The following P2RY1 variants were observed in gnomAD, a reference collection of about 807,000 sequenced individuals.
P2RY1 encodes purinergic receptor P2Y1.
Under a neutral mutation model 22.8 loss-of-function variants are expected in P2RY1, and 14 were observed. That is an observed-to-expected ratio of 0.61 (90% CI 0.41 to 0.96). The LOEUF (loss-of-function observed/expected upper bound fraction) is 0.96. Among genes scored for constraint, P2RY1 ranks in the 40% least tolerant of loss-of-function variants. P2RY1 has a pLI of 0.00. For missense variants in P2RY1, 395 were observed against 470.3 expected (o/e 0.84, Z 1.48); for synonymous variants, 200 against 195.1 (o/e 1.03, Z -0.21).
Position 152,837,085 on chromosome 3 carries a change from T to C in P2RY1, c.*181T>C, listed in dbSNP as rs1366452874. The C allele has an allele frequency of 2.5e-5, 15 of 597,676 alleles. No individual in the cohort carries two copies. Among genetic ancestry groups the C allele is most frequent in the Non-Finnish European group, 3.9e-5 (13 of 331,964 alleles). The allele number at this position is 597,676 out of a possible 1,614,324, so 37.0% of individuals were successfully genotyped here. On this transcript the variant is annotated 3_prime_UTR_variant, in exon 1 of 1. Transcript: ENST00000305097. ...CACACTTAGCTTGTTTGGGTTTGCT[T>C]TCACAGTCTCTCTTCCTTCTGACTA... is the stretch of plus-strand genomic sequence containing the variant.
chr3:152,836,656 A>T lies in P2RY1; in HGVS notation c.874A>T (p.Thr292Ser). ...MNLRARLDFQTPAMCAFNDRV... is the reference protein window; with the variant it reads ...MNLRARLDFQSPAMCAFNDRV... The stretch of plus-strand genomic sequence containing the variant: ...CTTGAGGGCCCGGCTTGATTTTCAG[A>T]CCCCAGCAATGTGTGCTTTCAATGA... The change falls in exon 1 of 1, where the codon ACC becomes TCC. Residue 292 changes from threonine to serine, a missense_variant. Physicochemically the swap from Thr to Ser is moderately conservative, Grantham distance 58 (BLOSUM62 1). Transcript: ENST00000305097. The surrounding 1 kb of genome is among the most constrained non-coding windows in gnomAD (Gnocchi z 5.6). 1 of 1,614,052 alleles carries T rather than the reference A, an allele frequency of 6.2e-7. No homozygotes were observed. Among genetic ancestry groups the T allele is most frequent in the Non-Finnish European group, 8.5e-7 (1 of 1,180,020 alleles).
At position 152,840,816 on chromosome 3, in the gene P2RY1, T is replaced by G. The variant is rs1488788859; in HGVS notation, c.*3912T>G. Reference sequence around the variant, plus strand: ...CTATTGATTTTAATCTGTTTTTTTTTGTTTAGTTGATAACTTAAATTCCAA... The same window carrying G: ...CTATTGATTTTAATCTGTTTTTTTTGGTTTAGTTGATAACTTAAATTCCAA... On this transcript the variant is annotated 3_prime_UTR_variant, in exon 1 of 1. Coordinates refer to ENST00000305097, the MANE Select transcript of P2RY1 (RefSeq NM_002563.5). The G allele has an allele frequency of 6.6e-6, 1 of 152,190 alleles. No homozygotes were observed. The highest frequency in any genetic ancestry group is 6.5e-5 in the Admixed American group (1 of 15,272). The allele number at this position is 152,190 out of a possible 1,614,324, so 9.4% of individuals were successfully genotyped here.
At position 152,836,598 on chromosome 3, in the gene P2RY1, T is replaced by C; in HGVS notation, c.816T>C (p.Ser272=). 4.3e-6 allele frequency: 7 copies of C among 1,614,214 alleles called. No homozygotes were observed. Among genetic ancestry groups the C allele is most frequent in the Non-Finnish European group, 5.9e-6 (7 of 1,180,038 alleles). Residue 272 remains serine, a synonymous_variant, in exon 1 of 1, where the codon TCT becomes TCC. Transcript: ENST00000305097. This position sits in a 1 kb window ranked among gnomAD's most constrained non-coding sequence, Gnocchi z 5.6. ...VIIVLTVFAV[S]YIPFHVMKTM... The stretch of plus-strand genomic sequence containing the variant: ...TTGTACTGACTGTTTTTGCTGTGTC[T>C]TACATCCCTTTCCATGTGATGAAAA...
At position 152,835,737 on chromosome 3, in the gene P2RY1, C is replaced by T; in HGVS notation, c.-46C>T. The T allele has an allele frequency of 6.6e-7, 1 of 1,513,210 alleles. No homozygotes were observed. 93.7% of individuals were successfully genotyped at this position (1,513,210 alleles called of 1,614,324 possible). On this transcript the variant is annotated 5_prime_UTR_variant, in exon 1 of 1. Transcript: ENST00000305097. The stretch of plus-strand genomic sequence containing the variant: ...GCCCCTGGCCGCCGCTGCCCTCTCG[C>T]CGCCTCCTACCCCTCGGAGCCGCCG...
rs1436221955 is a variant in P2RY1, at chr3:152,835,660, G to C, written c.-123G>C. ...GCCCCTGCGCGCCCCCTCCCGCGGG[G>C]ATCCAGTTCGCCTGCTCCCTTCCGC... On this transcript the variant is annotated 5_prime_UTR_variant, in exon 1 of 1. Transcript: ENST00000305097. 2 of 965,364 alleles carry C rather than the reference G, an allele frequency of 2.1e-6. No homozygotes were observed. The highest frequency in any genetic ancestry group is 1.7e-5 in the South Asian group (1 of 57,512). 59.8% of individuals were successfully genotyped at this position (965,364 alleles called of 1,614,324 possible).
rs1363743452 is a variant in P2RY1 at position 152,839,442 on chromosome 3, A to T, written c.*2538A>T. ...GGCAGAAATGTGTTGGCATTTGGAT[A>T]AAAAACTGCTAACATTATAGAACTT... On this transcript the variant is annotated 3_prime_UTR_variant, in exon 1 of 1. Transcript: ENST00000305097. The T allele has an allele frequency of 6.6e-6, 1 of 152,228 alleles. No individual in the cohort carries two copies. The highest frequency in any genetic ancestry group is 2.4e-5 in the African/African-American group (1 of 41,466). 9.4% of individuals were successfully genotyped at this position (152,228 alleles called of 1,614,324 possible). A position where few individuals can be genotyped will look rare whatever the true frequency, so the allele number is the denominator to read the frequency against.
Position 152,836,333 on chromosome 3 carries a change from C to T in P2RY1, c.551C>T (p.Ser184Phe), listed in dbSNP as rs992262820. 16 of 1,613,928 alleles carry T rather than the reference C, an allele frequency of 9.9e-6. No individual in the cohort carries two copies. In the East Asian group the frequency reaches 2.9e-4, roughly 29 times the overall value. ...TGGCTCATTGTGGTGGTGGCGATCT[C>T]CCCCATCCTCTTCTACTCAGGTACC... ...LVWLIVVVAI[S>F]PILFYSGTGV... Residue 184 changes from serine (S) to phenylalanine (F), a missense_variant, in exon 1 of 1, where the codon TCC becomes TTC. By Grantham distance (155) the Ser-to-Phe change is radical (BLOSUM62 -2). Around this residue, in one of 3 missense-constraint regions of P2RY1, gnomAD observed 291 missense variants for 361.6 expected, o/e 0.80. Coordinates refer to ENST00000305097, the MANE Select transcript of P2RY1 (RefSeq NM_002563.5). This position sits in a 1 kb window ranked among gnomAD's most constrained non-coding sequence, Gnocchi z 5.6.
rs1716256774 is a variant in P2RY1 at position 152,839,786 on chromosome 3, TCTG to T, written c.*2885_*2887del. On this transcript the variant is annotated 3_prime_UTR_variant, in exon 1 of 1. Transcript: ENST00000305097. ...ACTAAACAGCCAGGAGCCTGTGAAATCTGCTACTGTATTTTCCAGGACTTCATT... is the reference window on the plus strand; with the variant it reads ...ACTAAACAGCCAGGAGCCTGTGAAATCTACTGTATTTTCCAGGACTTCATT... The T allele has an allele frequency of 6.6e-6, 1 of 152,140 alleles. No homozygotes were observed. The highest frequency in any genetic ancestry group is 1.5e-5 in the Non-Finnish European group (1 of 68,024). 9.4% of individuals were successfully genotyped at this position (152,140 alleles called of 1,614,324 possible). A position where few individuals can be genotyped will look rare whatever the true frequency, so the allele number is the denominator to read the frequency against.
Position 152,835,993 on chromosome 3 carries a change from G to A in P2RY1, c.211G>A (p.Val71Met). ...CATCATCGGCTTCCTGGGCAACAGC[G>A]TGGCCATCTGGATGTTCGTCTTCCA... ...VFIIGFLGNSVAIWMFVFHMK... is the reference protein window; with the variant it reads ...VFIIGFLGNSMAIWMFVFHMK... The change falls in exon 1 of 1, where the codon GTG (valine) becomes ATG (methionine). Residue 71 changes from valine to methionine, a missense_variant. Coordinates refer to ENST00000305097, the MANE Select transcript of P2RY1 (RefSeq NM_002563.5). The A allele has an allele frequency of 6.2e-7, 1 of 1,614,198 alleles. No homozygotes were observed. Among genetic ancestry groups the A allele is most frequent in the Non-Finnish European group, 8.5e-7 (1 of 1,180,038 alleles).
At position 152,835,951 on chromosome 3, in the gene P2RY1, G is replaced by C. The variant is rs1203520078; in HGVS notation, c.169G>C (p.Val57Leu). 6.2e-7 allele frequency: 1 copy of C among 1,614,220 alleles called. No individual in the cohort carries two copies. Among genetic ancestry groups the C allele is most frequent in the Non-Finnish European group, 8.5e-7 (1 of 1,180,046 alleles). ...TGFQFYYLPA[V>L]YILVFIIGFL... ...CTTCCAGTTTTACTACCTGCCGGCT[G>C]TCTACATCTTGGTATTCATCATCGG... is the stretch of plus-strand genomic sequence containing the variant. Residue 57 changes from valine to leucine, a missense_variant, in exon 1 of 1, where the codon GTC (valine) becomes CTC (leucine). Coordinates refer to ENST00000305097, the MANE Select transcript of P2RY1 (RefSeq NM_002563.5).
Position 152,835,824 on chromosome 3 carries a change from C to T in P2RY1, c.42C>T (p.Asp14=), listed in dbSNP as rs1242192727. 1 of 1,611,120 alleles carries T rather than the reference C, an allele frequency of 6.2e-7. No homozygotes were observed. Among genetic ancestry groups the T allele is most frequent in the Non-Finnish European group, 8.5e-7 (1 of 1,179,770 alleles). Residue 14 remains aspartate, a synonymous_variant, in exon 1 of 1, where the codon GAC becomes GAT. Coordinates refer to ENST00000305097, the MANE Select transcript of P2RY1 (RefSeq NM_002563.5). ...VLWPAVPNGT[D]AAFLAGPGSS... ...GGCCGGCTGTCCCCAACGGGACGGACGCTGCCTTCCTGGCCGGTCCGGGTT... is the reference window on the plus strand; with the variant it reads ...GGCCGGCTGTCCCCAACGGGACGGATGCTGCCTTCCTGGCCGGTCCGGGTT...
chr3:152,839,062 G>T lies in P2RY1; in HGVS notation c.*2158G>T, dbSNP rs1410533968. The T allele has an allele frequency of 6.6e-6, 1 of 152,180 alleles. No individual in the cohort carries two copies. 9.4% of individuals were successfully genotyped at this position (152,180 alleles called of 1,614,324 possible). A position where few individuals can be genotyped will look rare whatever the true frequency, so the allele number is the denominator to read the frequency against. Reference sequence around the variant, plus strand: ...TTTTCTTTCTTTTAGGTCTCAGGATGCTCAGCTTAATTTAGAGTATGTGTT... The same window carrying T: ...TTTTCTTTCTTTTAGGTCTCAGGATTCTCAGCTTAATTTAGAGTATGTGTT... On this transcript the variant is annotated 3_prime_UTR_variant, in exon 1 of 1. Transcript: ENST00000305097.
rs1342739337 is a variant in P2RY1, at chr3:152,840,700, T to C, written c.*3796T>C. The C allele has an allele frequency of 6.6e-6, 1 of 152,222 alleles. No homozygotes were observed. Among genetic ancestry groups the C allele is most frequent in the African/African-American group, 2.4e-5 (1 of 41,472 alleles). The allele number at this position is 152,222 out of a possible 1,614,324, so 9.4% of individuals were successfully genotyped here. A position where few individuals can be genotyped will look rare whatever the true frequency, so the allele number is the denominator to read the frequency against. On this transcript the variant is annotated 3_prime_UTR_variant, in exon 1 of 1. Transcript: ENST00000305097. ...TGCTGCTTAGTTCTACTTAATTTTT[T>C]GTGTTGCTTCTTCTTAAGGTGAGAT... is the stretch of plus-strand genomic sequence containing the variant.
At position 152,835,823 on chromosome 3, in the gene P2RY1, A is replaced by G. The variant is rs753619182; in HGVS notation, c.41A>G (p.Asp14Gly). Reference protein sequence around the residue: ...VLWPAVPNGTDAAFLAGPGSS... With the variant: ...VLWPAVPNGTGAAFLAGPGSS... ...TGGCCGGCTGTCCCCAACGGGACGG[A>G]CGCTGCCTTCCTGGCCGGTCCGGGT... The change falls in exon 1 of 1, where the codon GAC (aspartate) becomes GGC (glycine). Residue 14 changes from aspartate (D) to glycine (G), a missense_variant. This residue lies in a region of P2RY1 where 98 missense variants were observed against 87.7 expected (regional missense o/e 1.12). Coordinates refer to ENST00000305097, the MANE Select transcript of P2RY1 (RefSeq NM_002563.5). 3.1e-6 allele frequency: 5 copies of G among 1,611,206 alleles called. No homozygotes were observed. Among genetic ancestry groups the G allele is most frequent in the Non-Finnish European group, 4.2e-6 (5 of 1,179,788 alleles).
Position 152,836,744 on chromosome 3 carries a change from C to T in P2RY1, c.962C>T (p.Pro321Leu). 6.2e-7 allele frequency: 1 copy of T among 1,614,148 alleles called. No individual in the cohort carries two copies. Among genetic ancestry groups the T allele is most frequent in the Non-Finnish European group, 8.5e-7 (1 of 1,180,030 alleles). ...GLASLNSCVD[P>L]ILYFLAGDTF... ...GCAAGTCTCAACAGTTGTGTGGACC[C>T]CATTCTCTATTTCTTGGCGGGAGAT... The change falls in exon 1 of 1, where the codon CCC (proline) becomes CTC (leucine). Residue 321 changes from proline to leucine, a missense_variant. By Grantham distance (98) the Pro-to-Leu change is moderately conservative (BLOSUM62 -3). Coordinates refer to ENST00000305097, the MANE Select transcript of P2RY1 (RefSeq NM_002563.5). This position sits in a 1 kb window ranked among gnomAD's most constrained non-coding sequence, Gnocchi z 5.6.
chr3:152,836,743 C>A lies in P2RY1; in HGVS notation c.961C>A (p.Pro321Thr). The part of the protein sequence containing the change: ...GLASLNSCVD[P>T]ILYFLAGDTF... ...AGCAAGTCTCAACAGTTGTGTGGAC[C>A]CCATTCTCTATTTCTTGGCGGGAGA... The change falls in exon 1 of 1, where the codon CCC becomes ACC. Residue 321 changes from proline to threonine, a missense_variant. This residue lies in a region of P2RY1 where 291 missense variants were observed against 361.6 expected (regional missense o/e 0.80). Transcript: ENST00000305097. This position sits in a 1 kb window ranked among gnomAD's most constrained non-coding sequence, Gnocchi z 5.6. The A allele has an allele frequency of 6.2e-7, 1 of 1,614,086 alleles. No homozygotes were observed. Among genetic ancestry groups the A allele is most frequent in the Non-Finnish European group, 8.5e-7 (1 of 1,180,026 alleles).
chr3:152,836,799 A>G lies in P2RY1; in HGVS notation c.1017A>G (p.Thr339=), dbSNP rs1716175533. The change falls in exon 1 of 1, where the codon ACA becomes ACG. Residue 339 remains threonine (T), a synonymous_variant. Coordinates refer to ENST00000305097, the MANE Select transcript of P2RY1 (RefSeq NM_002563.5). This position sits in a 1 kb window ranked among gnomAD's most constrained non-coding sequence, Gnocchi z 5.6. ...DTFRRRLSRA[T]RKASRRSEAN... ...TCAGAAGGAGACTCTCCCGAGCCAC[A>G]AGGAAAGCTTCTAGAAGAAGTGAGG... 1 of 1,613,992 alleles carries G rather than the reference A, an allele frequency of 6.2e-7. No individual in the cohort carries two copies. The highest frequency in any genetic ancestry group is 1.1e-5 in the South Asian group (1 of 91,082).
At position 152,839,835 on chromosome 3, in the gene P2RY1, T is replaced by C. The variant is rs1716257784; in HGVS notation, c.*2931T>C. 6.6e-6 allele frequency: 1 copy of C among 152,120 alleles called. No individual in the cohort carries two copies. The highest frequency in any genetic ancestry group is 1.5e-5 in the Non-Finnish European group (1 of 68,018). The allele number at this position is 152,120 out of a possible 1,614,324, so 9.4% of individuals were successfully genotyped here. A position where few individuals can be genotyped will look rare whatever the true frequency, so the allele number is the denominator to read the frequency against. ...TCATTCCACTCCTTGGCTAAAAAAATCTTGGAAGTTTCACAGATTATGATG... is the reference window on the plus strand; with the variant it reads ...TCATTCCACTCCTTGGCTAAAAAAACCTTGGAAGTTTCACAGATTATGATG... On this transcript the variant is annotated 3_prime_UTR_variant, in exon 1 of 1. Coordinates refer to ENST00000305097, the MANE Select transcript of P2RY1 (RefSeq NM_002563.5).
Position 152,835,836 on chromosome 3 carries a change from G to C in P2RY1, c.54G>C (p.Leu18=), listed in dbSNP as rs1451179610. 1 of 1,612,420 alleles carries C rather than the reference G, an allele frequency of 6.2e-7. No individual in the cohort carries two copies. Among genetic ancestry groups the C allele is most frequent in the Non-Finnish European group, 8.5e-7 (1 of 1,180,008 alleles). ...CCAACGGGACGGACGCTGCCTTCCT[G>C]GCCGGTCCGGGTTCGTCCTGGGGGA... ...AVPNGTDAAF[L]AGPGSSWGNS... The change falls in exon 1 of 1, where the codon CTG becomes CTC. Residue 18 remains leucine (L), a synonymous_variant. Coordinates refer to ENST00000305097, the MANE Select transcript of P2RY1 (RefSeq NM_002563.5).
Sources: gnomAD v4.1 joint callset for allele counts on GRCh38, gnomAD v4.1.1 for gene constraint, gnomAD v4.1.1 regional missense constraint, Gnocchi (gnomAD v3.1) non-coding constraint, MANE v1.5 for transcripts, NCBI Gene and HGNC (gene_info 2026-07-23, HGNC 2026-07-21) for gene names.